Variants in KIFC3 observed in about 807,000 individuals in gnomAD.
The protein encoded by KIFC3 is kinesin family member C3.
KIFC3 carries 60 observed loss-of-function variants against 101.8 expected under a neutral mutation model. The ratio of observed to expected loss-of-function variants is 0.59; its 90% CI spans 0.48 to 0.73. The LOEUF (loss-of-function observed/expected upper bound fraction) is 0.73, where lower values mean the gene tolerates loss of function less well. Among genes scored for constraint, KIFC3 ranks in the 30% least tolerant of loss-of-function variants. KIFC3 has a pLI of 0.00. For missense variants in KIFC3, 966 were observed against 1,137.1 expected (o/e 0.85, Z 2.16); for synonymous variants, 476 against 482.7 (o/e 0.99, Z 0.18).
At chr16:57,775,765 C>T (rs1028756829) in intron 3 of KIFC3, 20 of 985,558 alleles carry the variant, frequency 2.0e-5, no homozygotes, top group South Asian at 4.7e-5. Flanking sequence ...AGACACAGGA[C>T]GGAGGAGAAA....
At position 57,771,207 on chromosome 16, in the gene KIFC3, T is replaced by A. The variant is rs1555607827; in HGVS notation, c.756A>T (p.Pro252=). The change falls in exon 6 of 20, where the codon CCA becomes CCT. Residue 252 remains proline, a synonymous_variant. Coordinates refer to ENST00000445690, the MANE Select transcript of KIFC3 (RefSeq NM_001130100.2). The part of the protein sequence containing the change: ...ETIASLRAQS[P]PVKYVIKTVE... Reference sequence around the variant, plus strand: ...GTGGGCCAGGGCTCACCTTGACAGGTGGGGACTGGGCCCGCAGGCTGGCAA... The same window carrying A: ...GTGGGCCAGGGCTCACCTTGACAGGAGGGGACTGGGCCCGCAGGCTGGCAA... The A allele has an allele frequency of 6.2e-7, 1 of 1,612,362 alleles. No individual in the cohort carries two copies. The highest frequency in any genetic ancestry group is 1.7e-5 in the Admixed American group (1 of 60,012).
chr16:57,830,993 C>T lies in KIFC3; in HGVS notation c.108+31736G>A, dbSNP rs1482417185. Among the ~76,000 whole-genome samples the T allele has an allele frequency of 2.6e-5, 4 of 152,198 alleles. No individual in the cohort carries two copies. In the East Asian group the frequency reaches 7.7e-4, roughly 29 times the overall value. On this transcript the variant is annotated intron_variant, in intron 1 of 2. Transcript: ENST00000563028. ...TCTTGCTAATGAAAGGAGAGCCTCACCTTCAATTAAGGCGTCACCAGAGTG... is the reference window on the plus strand; with the variant it reads ...TCTTGCTAATGAAAGGAGAGCCTCATCTTCAATTAAGGCGTCACCAGAGTG...
intron 3 of KIFC3, among the ~76,000 whole-genome samples, chr16:57,791,939 G>A (rs2053904631): frequency 6.6e-6 from 1 of 152,168 alleles, no homozygotes. Flanking sequence ...GAAACACCTC[G>A]AAACACAAGA....
chr16:57,786,723 G>T (rs890779240), intron 3 of KIFC3, among the ~76,000 whole-genome samples: 7 of 152,176 alleles, frequency 4.6e-5, no homozygotes, highest in Admixed American at 3.3e-4. Context: ...TGGGGTTGGG[G>T]GGATCTTAGA....
chr16:57,786,874 C>G (rs1431341397), intron 3 of KIFC3, among the ~76,000 whole-genome samples: 2 of 152,170 alleles, frequency 1.3e-5, no homozygotes, highest in African/African-American at 2.4e-5. Flanking sequence ...AGCACAGCCC[C>G]AGGAGGAGGG....
chr16:57,781,450 CTGT>C (rs568820870), intron 3 of KIFC3, among the ~76,000 whole-genome samples: 111 of 152,346 alleles, frequency 7.3e-4, no homozygotes, highest in African/African-American at 2.6e-3. Flanking sequence ...TGGCCTGGGA[CTGT>C]TGTTAACAAC....
intron 1 of KIFC3, among the ~76,000 whole-genome samples, chr16:57,829,633 C>T (rs1555478849): frequency 3.3e-5 from 5 of 152,216 alleles, no homozygotes; most frequent in South Asian, 4.1e-4. Context: ...TCAGGAAAGT[C>T]ACCATGCAGC....
chr16:57,814,022 A>G (rs1489797437), intron 1 of KIFC3: 2 of 221,384 alleles, frequency 9.0e-6, no homozygotes, highest in Non-Finnish European at 1.5e-5. Context: ...CCAAGTCTTG[A>G]ACCACTGCAC....
chr16:57,769,625 C>G lies in KIFC3; in HGVS notation c.1188G>C (p.Leu396=), dbSNP rs1555605672. 6.2e-7 allele frequency: 1 copy of G among 1,611,160 alleles called. No homozygotes were observed. The highest frequency in any genetic ancestry group is 1.7e-5 in the Admixed American group (1 of 60,016). The part of the protein sequence containing the change: ...KRQVRGFPLL[L]QEALRSVKAE... ...CCTTGACACTCCTGAGGGCCTCCTG[C>G]AGCAGCAGTGGGAAGCCGCGCACCT... The change falls in exon 9 of 20, where the codon CTG becomes CTC. Residue 396 remains leucine, a synonymous_variant. Transcript: ENST00000445690. This position sits in a 1 kb window ranked among gnomAD's most constrained non-coding sequence, Gnocchi z 4.3.
rs8053473 is a variant in KIFC3 at position 57,809,687 on chromosome 16, T to A, written c.109-11405A>T. Among the ~76,000 whole-genome samples the A allele has an allele frequency of 9.0e-3, 1,371 of 152,294 alleles. 25 individuals carry two copies. Among genetic ancestry groups the A allele is most frequent in the African/African-American group, 0.031 (1,290 of 41,560 alleles). ...AAAAAATCTTTCTGAATAAAGAGTC[T>A]GAGCATTTTTTTTTCACTTTCTAAA... is the stretch of plus-strand genomic sequence containing the variant. On this transcript the variant is annotated intron_variant, in intron 1 of 2. Coordinates refer to the KIFC3 transcript ENST00000563028.
At position 57,802,377 on chromosome 16, in the gene KIFC3, G is replaced by A. The variant is rs2054792304; in HGVS notation, c.-47C>T. ...CCCGGGCCCCCCACTCACCGGCCTG[G>A]CGGAGGCAGGATCCAGGCGTCGCCG... On this transcript the variant is annotated 5_prime_UTR_variant, in exon 1 of 20. Transcript: ENST00000445690. The surrounding 1 kb of genome is among the most constrained non-coding windows in gnomAD (Gnocchi z 5.0). The A allele has an allele frequency of 2.1e-5, 21 of 983,498 alleles. No individual in the cohort carries two copies. Among genetic ancestry groups the A allele is most frequent in the Non-Finnish European group, 2.4e-5 (20 of 829,192 alleles). 60.9% of individuals were successfully genotyped at this position (983,498 alleles called of 1,614,324 possible).
At chr16:57,826,942 G>A (rs1394577177) in intron 1 of KIFC3, among the ~76,000 whole-genome samples, 2 of 152,178 alleles carry the variant, frequency 1.3e-5, no homozygotes, top group African/African-American at 4.8e-5. Flanking sequence ...TGGGACACTG[G>A]GGCCTGCTGC....
intron 1 of KIFC3, among the ~76,000 whole-genome samples, chr16:57,860,201 C>A (rs1026719906): frequency 3.3e-5 from 5 of 152,092 alleles, no homozygotes; most frequent in African/African-American, 9.7e-5. Context: ...CGCCTGTAAT[C>A]CCAGCACTTC....
At chr16:57,815,713 T>C in intron 1 of KIFC3, 2 of 1,215,046 alleles carry the variant, frequency 1.6e-6, no homozygotes, top group Non-Finnish European at 2.2e-6. Context: ...CAAATATCTG[T>C]CTACTCCCTC....
At chr16:57,771,764 G>T in intron 4 of KIFC3, 78 bp from the exon 5 acceptor site, 1 of 1,501,116 alleles carries the variant, frequency 6.7e-7, no homozygotes, top group Non-Finnish European at 9.0e-7. Flanking sequence ...CGCGGAGATG[G>T]CACAAGGGCA....
At chr16:57,819,855 G>C (rs1432783508) in intron 1 of KIFC3, among the ~76,000 whole-genome samples, 2 of 151,252 alleles carry the variant, frequency 1.3e-5, no homozygotes, top group Non-Finnish European at 2.9e-5. Context: ...CACCGTGCCT[G>C]GCCCTTTTAT....
At chr16:57,840,170 T>C (rs1360185326) in intron 1 of KIFC3, among the ~76,000 whole-genome samples, 4 of 151,884 alleles carry the variant, frequency 2.6e-5, no homozygotes, top group African/African-American at 9.7e-5. Context: ...AAACCTCGTC[T>C]CTACTAACAA....
intron 9 of KIFC3, among the ~76,000 whole-genome samples, chr16:57,768,205 G>A (rs1229155805): frequency 6.6e-6 from 1 of 152,000 alleles, no homozygotes; most frequent in Non-Finnish European, 1.5e-5. Context: ...AACTAGCCCG[G>A]CATGGTGGCA....
upstream of KIFC3, chr16:57,802,915 C>G: frequency 6.9e-7 from 1 of 1,456,254 alleles, no homozygotes; most frequent in African/African-American, 1.4e-5. The surrounding 1 kb of genome is among the most constrained non-coding windows in gnomAD (Gnocchi z 5.0). Context: ...GCTCTCATAC[C>G]AGTACGTGTC....
Sources: gnomAD v4.1 joint callset for allele counts (sites outside exome capture counted in the v4.1 genomes callset) on GRCh38, gnomAD v4.1.1 for gene constraint, Gnocchi (gnomAD v3.1) non-coding constraint, MANE v1.5 for transcripts, NCBI Gene and HGNC (gene_info 2026-07-23, HGNC 2026-07-21) for gene names.